Variants in RGS6 observed in about 807,000 individuals in gnomAD.
RGS6 encodes the protein regulator of G protein signaling 6.
RGS6 carries 30 observed loss-of-function variants against 78.5 expected under a neutral mutation model. The observed-to-expected ratio is 0.38, with a 90% CI of 0.29 to 0.52. The LOEUF is 0.52. Ranked by LOEUF, RGS6 falls within the 20% of genes least tolerant of loss-of-function variation. The pLI is 0.85. For missense variants in RGS6, 495 were observed against 609.7 expected (o/e 0.81, Z 1.98); for synonymous variants, 206 against 206.0 (o/e 1.00, Z 0.00).
At chr14:71,944,646 A>G (rs1055743071) in intron 1 of RGS6, among the ~76,000 whole-genome samples, 1 of 152,242 alleles carries the variant, frequency 6.6e-6, no homozygotes, top group Non-Finnish European at 1.5e-5. Context: ...GCATTTTATC[A>G]TCAGATCTGG....
At chr14:72,311,190 G>C (rs138131889) in intron 2 of RGS6, among the ~76,000 whole-genome samples, 2 of 152,154 alleles carry the variant, frequency 1.3e-5, no homozygotes, top group African/African-American at 4.8e-5. Context: ...AAGGCCCTTT[G>C]CTTCACAAAA....
chr14:72,340,570 T>C (rs2681769), intron 2 of RGS6, among the ~76,000 whole-genome samples: 70,629 of 151,856 alleles, frequency 0.47, 16,761 homozygotes, highest in South Asian at 0.59. Flanking sequence ...TCTGGGGGCA[T>C]CACTTTGACC....
At chr14:72,269,148 C>CGT (rs1322027612) in intron 2 of RGS6, among the ~76,000 whole-genome samples, 1 of 151,748 alleles carries the variant, frequency 6.6e-6, no homozygotes, top group Non-Finnish European at 1.5e-5. Flanking sequence ...CCCCACCACC[C>CGT]ACCTTGCTCC....
intron 2 of RGS6, among the ~76,000 whole-genome samples, chr14:72,334,154 G>A (rs771439818): frequency 1.2e-4 from 18 of 152,196 alleles, no homozygotes; most frequent in South Asian, 2.1e-4. Context: ...CCGTGGGAAC[G>A]GAAAGGATTT....
intron 3 of RGS6, among the ~76,000 whole-genome samples, chr14:72,433,013 A>G (rs1231305939): frequency 6.6e-6 from 1 of 152,194 alleles, no homozygotes; most frequent in Non-Finnish European, 1.5e-5. Flanking sequence ...TGGAACTCAT[A>G]GGGTATAAGT....
chr14:72,605,116 A>C, the RGS6 span, among the ~76,000 whole-genome samples: 1 of 152,182 alleles, frequency 6.6e-6, no homozygotes, highest in Admixed American at 6.5e-5. Flanking sequence ...TCTTTCTTTC[A>C]AAGCTGAGTT....
chr14:72,433,349 G>GGGA (rs1453727660), intron 3 of RGS6, among the ~76,000 whole-genome samples: 1 of 152,028 alleles, frequency 6.6e-6, no homozygotes, highest in Non-Finnish European at 1.5e-5. Flanking sequence ...TTGGGGTATG[G>GGGA]GGAGGGAGAG....
At chr14:72,299,023 G>A (rs2065490149) in intron 2 of RGS6, among the ~76,000 whole-genome samples, 4 of 152,028 alleles carry the variant, frequency 2.6e-5, no homozygotes, top group Admixed American at 1.3e-4. Flanking sequence ...GTCTTTGAAG[G>A]AATTTGTTCA....
At position 72,477,043 on chromosome 14, in the gene RGS6, C is replaced by T. The variant is rs115861478; in HGVS notation, c.792+203C>T. On this transcript the variant is annotated intron_variant, in intron 11 of 17. Transcript: ENST00000553525. ...AGAAAGAATTCTCTACCCAGTTCCT[C>T]CAGCAGTTACTAGAAAAGGGCGTAA... 4.1e-3 allele frequency: 2,286 copies of T among 553,378 alleles called. 46 individuals are homozygous for T. Among genetic ancestry groups the T allele is most frequent in the African/African-American group, 0.04 (2,126 of 52,564 alleles). 34.3% of individuals were successfully genotyped at this position (553,378 alleles called of 1,614,324 possible). A position where few individuals can be genotyped will look rare whatever the true frequency, so the allele number is the denominator to read the frequency against.
chr14:72,269,957 T>G (rs2153911150), intron 2 of RGS6, among the ~76,000 whole-genome samples: 1 of 152,304 alleles, frequency 6.6e-6, no homozygotes, highest in South Asian at 2.1e-4. Flanking sequence ...AAAAATAGCA[T>G]ATATGTCCTG....
intron 17 of RGS6, among the ~76,000 whole-genome samples, chr14:72,559,051 G>A (rs961218175): frequency 1.3e-5 from 2 of 152,160 alleles, no homozygotes; most frequent in African/African-American, 4.8e-5. Context: ...TGCTTCCTCT[G>A]TAACTATGCA....
chr14:72,554,346 A>C (rs1390779826), intron 17 of RGS6, among the ~76,000 whole-genome samples: 1 of 152,244 alleles, frequency 6.6e-6, no homozygotes, highest in East Asian at 1.9e-4. Context: ...ACATACTGCC[A>C]ACCAAATAAC....
the RGS6 span, among the ~76,000 whole-genome samples, chr14:72,576,789 A>T: frequency 1.3e-5 from 2 of 152,166 alleles, no homozygotes; most frequent in African/African-American, 4.8e-5. Flanking sequence ...CCTGCTGCCC[A>T]CTATATCTTG....
intron 2 of RGS6, among the ~76,000 whole-genome samples, chr14:72,239,322 G>A (rs779623268): frequency 7.9e-5 from 12 of 152,080 alleles, no homozygotes; most frequent in Non-Finnish European, 1.8e-4. Context: ...TGTGCCCCTG[G>A]AAGTCATACT....
intron 3 of RGS6, among the ~76,000 whole-genome samples, chr14:72,357,309 G>A (rs1049029180): frequency 2.6e-5 from 4 of 152,040 alleles, no homozygotes; most frequent in African/African-American, 7.2e-5. Context: ...TGGAACATGG[G>A]TGACAGGCAG....
chr14:72,189,746 C>A (rs892124057), intron 2 of RGS6, among the ~76,000 whole-genome samples: 2 of 151,934 alleles, frequency 1.3e-5, no homozygotes, highest in African/African-American at 2.4e-5. Flanking sequence ...GTCGTCACTC[C>A]CTTTGTATTT....
intron 2 of RGS6, among the ~76,000 whole-genome samples, chr14:72,125,148 C>A (rs981810850): frequency 3.1e-4 from 47 of 152,142 alleles, no homozygotes; most frequent in Non-Finnish European, 1.2e-4. Flanking sequence ...TTTGTTGGCA[C>A]CCCAAGCCTG....
rs868183250 is a variant in RGS6 at position 72,540,095 on chromosome 14, G to T, written c.1422+1G>T. ...CCTAGAAAAGTTCACTCGCAGTGTGGTAAGTTCAGTCGGTTTTCTTCCCTC... is the reference window on the plus strand; with the variant it reads ...CCTAGAAAAGTTCACTCGCAGTGTGTTAAGTTCAGTCGGTTTTCTTCCCTC... On this transcript the variant is annotated splice_donor_variant, in intron 17 of 17. Transcript: ENST00000553525. LOFTEE classifies it high-confidence loss of function. 1 of 1,587,936 alleles carries T rather than the reference G, an allele frequency of 6.3e-7. No individual in the cohort carries two copies. The highest frequency in any genetic ancestry group is 1.7e-5 in the Admixed American group (1 of 58,110).
intron 3 of RGS6, among the ~76,000 whole-genome samples, chr14:72,356,516 G>T (rs2080326793): frequency 1.3e-5 from 2 of 152,166 alleles, no homozygotes; most frequent in South Asian, 4.1e-4. Flanking sequence ...ATCAGCACTG[G>T]AGATGTGTGA....
Sources: gnomAD v4.1 joint callset for allele counts (sites outside exome capture counted in the v4.1 genomes callset) on GRCh38, gnomAD v4.1.1 for gene constraint, MANE v1.5 for transcripts, NCBI Gene and HGNC (gene_info 2026-07-23, HGNC 2026-07-21) for gene names.